Variants in TSHZ2 observed in about 807,000 individuals in gnomAD.
The protein encoded by TSHZ2 is teashirt zinc finger homeobox 2, also known as teashirt homolog 2.
Under a neutral mutation model 74.4 loss-of-function variants are expected in TSHZ2, and 21 were observed. The ratio of observed to expected loss-of-function variants is 0.28; its 90% CI spans 0.20 to 0.41. TSHZ2 has a LOEUF of 0.41. Ranked by LOEUF, TSHZ2 falls within the 10% of genes least tolerant of loss-of-function variation. The probability of loss-of-function intolerance (pLI) is 1.00; values close to 1 mark genes in which losing one functional copy is unlikely to be tolerated. For missense variants in TSHZ2, 1,244 were observed against 1,293.5 expected (o/e 0.96, Z 0.59); for synonymous variants, 540 against 515.3 (o/e 1.05, Z -0.65).
At chr20:53,069,783 G>A (rs756696813) in intron 1 of TSHZ2, among the ~76,000 whole-genome samples, 1 of 151,648 alleles carries the variant, frequency 6.6e-6, no homozygotes, top group Non-Finnish European at 1.5e-5. Context: ...AATACAGTGG[G>A]TTTGACAGTT....
intron 2 of TSHZ2, among the ~76,000 whole-genome samples, chr20:53,457,828 T>G (rs1985166370): frequency 6.6e-6 from 1 of 151,990 alleles, no homozygotes; most frequent in Non-Finnish European, 1.5e-5. Flanking sequence ...ATGTGGTTTT[T>G]GTCTTTGGCT....
intron 1 of TSHZ2, among the ~76,000 whole-genome samples, chr20:52,999,939 A>T (rs1401897689): frequency 2.0e-5 from 3 of 152,194 alleles, no homozygotes; most frequent in African/African-American, 7.2e-5. Context: ...AGAGAGAAGA[A>T]GATGGTGACG....
At chr20:53,059,636 A>C (rs762272933) in intron 1 of TSHZ2, among the ~76,000 whole-genome samples, 61 of 152,194 alleles carry the variant, frequency 4.0e-4, no homozygotes, top group Non-Finnish European at 7.4e-4. Flanking sequence ...TGTGATTAGT[A>C]AGAGGTTATT....
chr20:53,401,455 T>C (rs1289898483), intron 2 of TSHZ2, among the ~76,000 whole-genome samples: 1 of 152,204 alleles, frequency 6.6e-6, no homozygotes, highest in Non-Finnish European at 1.5e-5. Context: ...ATGGGTAAGT[T>C]CTTTAGTGGT....
At chr20:53,081,297 G>A (rs1985527525) in intron 1 of TSHZ2, among the ~76,000 whole-genome samples, 1 of 152,164 alleles carries the variant, frequency 6.6e-6, no homozygotes, top group African/African-American at 2.4e-5. Flanking sequence ...CCAAAGTCCT[G>A]AAATTACAAG....
rs183168410 is a variant in TSHZ2, at chr20:53,448,972, T to C, written c.*9-38172T>C. ...AATTTGCACACATTATCACCAACTC[T>C]CCCACACACAAAAAAAAGATGTATA... On this transcript the variant is annotated intron_variant, in intron 2 of 2. Coordinates refer to ENST00000371497, the MANE Select transcript of TSHZ2 (RefSeq NM_173485.6). 4.2e-4 allele frequency among the ~76,000 whole-genome samples: 64 copies of C among 152,154 alleles called. 1 individual carries two copies. Among genetic ancestry groups the C allele is most frequent in the Admixed American group, 5.9e-4 (9 of 15,276 alleles).
chr20:53,252,547 C>A (rs1420583468), intron 1 of TSHZ2, among the ~76,000 whole-genome samples: 3 of 152,186 alleles, frequency 2.0e-5, no homozygotes, highest in Admixed American at 1.3e-4. Flanking sequence ...CCCATTAATT[C>A]CCTTTGCACT....
intron 2 of TSHZ2, among the ~76,000 whole-genome samples, chr20:53,438,014 T>C (rs1283002548): frequency 2.0e-5 from 3 of 152,114 alleles, no homozygotes; most frequent in Admixed American, 2.0e-4. Context: ...TTACCCAGTC[T>C]CGGGTATCCC....
At chr20:53,422,579 C>T (rs1215838911) in intron 2 of TSHZ2, among the ~76,000 whole-genome samples, 3 of 152,112 alleles carry the variant, frequency 2.0e-5, no homozygotes. Flanking sequence ...CATACAACAC[C>T]CCAACCTTAA....
chr20:53,310,611 G>A (rs570204567), intron 2 of TSHZ2, among the ~76,000 whole-genome samples: 2 of 152,202 alleles, frequency 1.3e-5, no homozygotes, highest in South Asian at 4.2e-4. Flanking sequence ...ACACATCGAT[G>A]GTAAAATTCA....
chr20:53,213,146 TACAA>T (rs910059577), intron 1 of TSHZ2, among the ~76,000 whole-genome samples: 4 of 152,212 alleles, frequency 2.6e-5, no homozygotes, highest in African/African-American at 7.2e-5. Context: ...TTCAATGTCT[TACAA>T]ACAATCAAAA....
intron 2 of TSHZ2, among the ~76,000 whole-genome samples, chr20:53,411,187 G>A (rs1005449210): frequency 5.3e-5 from 8 of 151,944 alleles, no homozygotes; most frequent in African/African-American, 1.7e-4. Flanking sequence ...GGCTACGTTT[G>A]ACCTGAAGTT....
chr20:53,200,030 G>A (rs1246935778), intron 1 of TSHZ2, among the ~76,000 whole-genome samples: 2 of 152,224 alleles, frequency 1.3e-5, no homozygotes, highest in African/African-American at 4.8e-5. Context: ...TCAGATGAGG[G>A]TAGTTTAGAG....
At chr20:53,318,752 T>G (rs1392059176) in intron 2 of TSHZ2, among the ~76,000 whole-genome samples, 1 of 152,218 alleles carries the variant, frequency 6.6e-6, no homozygotes, top group Non-Finnish European at 1.5e-5. Flanking sequence ...AGGGGGCAGC[T>G]TGGTACAGTT....
chr20:52,973,113 G>A lies in TSHZ2; in HGVS notation c.-181G>A, dbSNP rs1981187247. The A allele has an allele frequency of 1.5e-6, 1 of 671,256 alleles. No individual in the cohort carries two copies. Among genetic ancestry groups the A allele is most frequent in the East Asian group, 3.0e-5 (1 of 32,874 alleles). The allele number at this position is 671,256 out of a possible 1,614,324, so 41.6% of individuals were successfully genotyped here. ...ACCCGTGTCTGCCACCCAGAGAGGG[G>A]GGTCTCTGGCCCGTGGTGGAGGAGT... On this transcript the variant is annotated 5_prime_UTR_variant, in exon 1 of 3. Coordinates refer to ENST00000371497, the MANE Select transcript of TSHZ2 (RefSeq NM_173485.6).
At chr20:53,299,659 C>G (rs1162014112) in intron 2 of TSHZ2, among the ~76,000 whole-genome samples, 2 of 152,192 alleles carry the variant, frequency 1.3e-5, no homozygotes, top group South Asian at 4.1e-4. Context: ...CACAGATAAG[C>G]AATTGGCCTT....
intron 1 of TSHZ2, among the ~76,000 whole-genome samples, chr20:53,085,365 A>C (rs1212307100): frequency 6.6e-6 from 1 of 152,004 alleles, no homozygotes; most frequent in Non-Finnish European, 1.5e-5. Flanking sequence ...ACTCCATCTC[A>C]AAAAGAAAGA....
intron 1 of TSHZ2, among the ~76,000 whole-genome samples, chr20:53,081,617 C>T (rs1321350553): frequency 2.0e-5 from 3 of 152,210 alleles, no homozygotes; most frequent in Non-Finnish European, 4.4e-5. Flanking sequence ...ACTTCCAACA[C>T]CCACTTCCAC....
At position 53,104,003 on chromosome 20, in the gene TSHZ2, C is replaced by T. The variant is rs114338860; in HGVS notation, c.40+130670C>T. 2.2e-3 allele frequency among the ~76,000 whole-genome samples: 339 copies of T among 152,260 alleles called. 2 individuals carry two copies. Among genetic ancestry groups the T allele is most frequent in the African/African-American group, 7.8e-3 (326 of 41,532 alleles). On this transcript the variant is annotated intron_variant, in intron 1 of 2. Transcript: ENST00000371497. ...TGACTTCAGTGATAATAAGAGAGAT[C>T]ATGACTTAGACCCGCTTCAGCCAGT...
Sources: gnomAD v4.1 joint callset for allele counts (sites outside exome capture counted in the v4.1 genomes callset) on GRCh38, gnomAD v4.1.1 for gene constraint, MANE v1.5 for transcripts, NCBI Gene and HGNC (gene_info 2026-07-23, HGNC 2026-07-21) for gene names.